The following LMTK3 variants were observed in gnomAD, a reference collection of about 807,000 sequenced individuals.
The protein encoded by LMTK3 is serine/threonine-protein kinase LMTK3.
A neutral mutation model predicts 116.7 loss-of-function variants in LMTK3; 27 were observed. That is an observed-to-expected ratio of 0.23 (90% CI 0.17 to 0.32). The LOEUF is 0.32. Among genes scored for constraint, LMTK3 ranks in the 10% least tolerant of loss-of-function variants. The pLI, the probability that LMTK3 is intolerant of heterozygous loss-of-function variation, is 1.00. For missense variants in LMTK3, 1,764 were observed against 2,068.5 expected (o/e 0.85, Z 2.86); for synonymous variants, 965 against 971.0 (o/e 0.99, Z 0.11).
chr19:48,498,130 C>G lies in LMTK3; in HGVS notation c.2939G>C (p.Arg980Thr), dbSNP rs1285404089. ...EEKALENGEL[R>T]SPEAGEKVLV... ...CACCTTCTCCCCGGCCTCTGGGGAC[C>G]TCAGCTCCCCATTCTCCAGCGCTTT... is the stretch of plus-strand genomic sequence containing the variant. Residue 980 changes from arginine to threonine, a missense_variant, in exon 11 of 15, where the codon AGG becomes ACG. Coordinates refer to ENST00000600059, the MANE Select transcript of LMTK3 (RefSeq NM_001388485.1). 4 of 1,613,650 alleles carry G rather than the reference C, an allele frequency of 2.5e-6. No individual in the cohort carries two copies. Among genetic ancestry groups the G allele is most frequent in the Non-Finnish European group, 3.4e-6 (4 of 1,179,824 alleles).
At chr19:48,507,291 G>A (rs1333339466) in intron 5 of LMTK3, among the ~76,000 whole-genome samples, 1 of 152,226 alleles carries the variant, frequency 6.6e-6, no homozygotes, top group African/African-American at 2.4e-5. Flanking sequence ...TGGAACAGAG[G>A]TGAAGCGACT....
At chr19:48,507,647 G>A (rs558274389) in intron 5 of LMTK3, among the ~76,000 whole-genome samples, 3 of 152,280 alleles carry the variant, frequency 2.0e-5, no homozygotes, top group Non-Finnish European at 4.4e-5. Flanking sequence ...GTCTCGCTCT[G>A]TTGCCCAGGT....
Position 48,491,123 on chromosome 19 carries a change from C to T in LMTK3, c.4351G>A (p.Asp1451Asn). The T allele has an allele frequency of 1.6e-6, 2 of 1,231,980 alleles. No individual in the cohort carries two copies. Among genetic ancestry groups the T allele is most frequent in the Non-Finnish European group, 2.0e-6 (2 of 980,936 alleles). The allele number at this position is 1,231,980 out of a possible 1,614,324, so 76.3% of individuals were successfully genotyped here. Residue 1451 changes from aspartate (D) to asparagine (N), a missense_variant, in exon 14 of 15, where the codon GAC becomes AAC. Physicochemically the swap from Asp to Asn is conservative, Grantham distance 23. Transcript: ENST00000600059. The surrounding 1 kb of genome is among the most constrained non-coding windows in gnomAD (Gnocchi z 5.1). ...GATATGGTACCTGCGGGCCGGGCGT[C>T]GGGGGCCCGGGCGGGTGGCCCCGGG... ...ETPGPPARAPDARPAGPVEN is the reference protein window; with the variant it reads ...ETPGPPARAPNARPAGPVEN
chr19:48,501,252 TG>T, intron 9 of LMTK3, 30 bp downstream of exon 9: 1 of 1,611,128 alleles, frequency 6.2e-7, no homozygotes, highest in Non-Finnish European at 8.5e-7. Flanking sequence ...CTTCCTGGCC[TG>T]CCTCGGCCCC....
chr19:48,510,961 C>T (rs2147563029), intron 1 of LMTK3, among the ~76,000 whole-genome samples: 1 of 152,342 alleles, frequency 6.6e-6, no homozygotes, highest in East Asian at 1.9e-4. Flanking sequence ...CATTACCCCT[C>T]GTTGGGGAGG....
At chr19:48,513,205 T>C (rs757955116), upstream of LMTK3, 5 of 1,563,660 alleles carry the variant, frequency 3.2e-6, no homozygotes, top group South Asian at 4.6e-5. The surrounding 1 kb of genome is among the most constrained non-coding windows in gnomAD (Gnocchi z 5.6). Flanking sequence ...AGATACATGA[T>C]CATAGTTTAT....
chr19:48,499,749 A>C lies in LMTK3; in HGVS notation c.1320T>G (p.Ser440Arg). The C allele has an allele frequency of 6.9e-7, 1 of 1,443,740 alleles. No individual in the cohort carries two copies. Among genetic ancestry groups the C allele is most frequent in the Non-Finnish European group, 9.2e-7 (1 of 1,087,222 alleles). 89.4% of individuals were successfully genotyped at this position (1,443,740 alleles called of 1,614,324 possible). A position where few individuals can be genotyped will look rare whatever the true frequency, so the allele number is the denominator to read the frequency against. ...AGGAGAGGGTCCCCGGGCGGGGCGC[A>C]CTGTGTGCAGGGGGCCAGGGCCAGG... ...PFPWPWPPAH[S>R]APRPGTLSSP... The change falls in exon 11 of 15, where the codon AGT becomes AGG. Residue 440 changes from serine to arginine, a missense_variant. This residue lies in a region of LMTK3 where 63 missense variants were observed against 65.0 expected (regional missense o/e 0.97). Coordinates refer to ENST00000600059, the MANE Select transcript of LMTK3 (RefSeq NM_001388485.1).
Position 48,509,428 on chromosome 19 carries a change from C to A in LMTK3, c.438+9G>T. 6.4e-7 allele frequency: 1 copy of A among 1,552,156 alleles called. No homozygotes were observed. Among genetic ancestry groups the A allele is most frequent in the Non-Finnish European group, 8.7e-7 (1 of 1,147,292 alleles). On this transcript the variant is annotated intron_variant, in intron 4 of 14. Transcript: ENST00000600059. Reference sequence around the variant, plus strand: ...ATGGAGCCCTGCCTCCCCTCCCCAGCCCACTCACCTTCCCAAACCAGCCAC... The same window carrying A: ...ATGGAGCCCTGCCTCCCCTCCCCAGACCACTCACCTTCCCAAACCAGCCAC...
rs1247384535 is a variant in LMTK3 at position 48,493,931 on chromosome 19, CTCG to C, written c.3852_3854del (p.Asp1284del). On this transcript the variant is annotated inframe_deletion, in exon 12 of 15. Transcript: ENST00000600059. ...GCGCCGCCGCCTCCTCGTCCTCCTC[CTCG>C]TCCTCGTCCTCGTCCTCCCCGTCCT... is the stretch of plus-strand genomic sequence containing the variant. 1 of 1,030,528 alleles carries C rather than the reference CTCG, an allele frequency of 9.7e-7. No homozygotes were observed. The allele number at this position is 1,030,528 out of a possible 1,614,324, so 63.8% of individuals were successfully genotyped here. A position where few individuals can be genotyped will look rare whatever the true frequency, so the allele number is the denominator to read the frequency against.
At chr19:48,502,707 T>A in intron 6 of LMTK3, 126 bp from the exon 7 acceptor site, 31 of 1,164,004 alleles carry the variant, frequency 2.7e-5, no homozygotes, top group Non-Finnish European at 3.3e-5. Flanking sequence ...CTCTGCTGCT[T>A]GCAGCAGGTA....
At position 48,500,998 on chromosome 19, in the gene LMTK3, G is replaced by A. The variant is rs749592263; in HGVS notation, c.1149C>T (p.Tyr383=). The A allele has an allele frequency of 1.7e-5, 25 of 1,511,584 alleles. No homozygotes were observed. The highest frequency in any genetic ancestry group is 2.0e-5 in the Non-Finnish European group (23 of 1,133,528). 93.6% of individuals were successfully genotyped at this position (1,511,584 alleles called of 1,614,324 possible). A position where few individuals can be genotyped will look rare whatever the true frequency, so the allele number is the denominator to read the frequency against. Reference sequence around the variant, plus strand: ...GCCCCGGGTGGGCTAGCCCTCACCAGTAGTCCGCGTAAGGCAGCTTGAGCC... The same window carrying A: ...GCCCCGGGTGGGCTAGCCCTCACCAATAGTCCGCGTAAGGCAGCTTGAGCC... ...RPRLKLPYAD[Y]WYDILQSCWR... is the part of the protein sequence containing the mutation. Residue 383 remains tyrosine, a splice_region_variant and synonymous_variant, in exon 10 of 15, where the codon TAC becomes TAT. Coordinates refer to ENST00000600059, the MANE Select transcript of LMTK3 (RefSeq NM_001388485.1). The surrounding 1 kb of genome is among the most constrained non-coding windows in gnomAD (Gnocchi z 4.0).
At position 48,510,507 on chromosome 19, in the gene LMTK3, G is replaced by A; in HGVS notation, c.162C>T (p.Phe54=). 5.6e-6 allele frequency: 9 copies of A among 1,598,796 alleles called. No individual in the cohort carries two copies. Among genetic ancestry groups the A allele is most frequent in the Non-Finnish European group, 7.7e-6 (9 of 1,172,864 alleles). The change falls in exon 2 of 15, where the codon TTC becomes TTT. Residue 54 remains phenylalanine, a synonymous_variant. Transcript: ENST00000600059. The part of the protein sequence containing the change: ...ISCSGLLAFI[F]LLLTCLCCKR... ...TGCAGCACAGACAGGTGAGGAGGAG[G>A]AAGATGAAGGCCAGCAGGCCGGAGC...
intron 5 of LMTK3, 64 bp from the exon 6 acceptor site, chr19:48,503,060 C>A: frequency 1.1e-6 from 1 of 947,936 alleles, no homozygotes. Flanking sequence ...TGCCCCAACC[C>A]CCAGCAGAAC....
intron 12 of LMTK3, among the ~76,000 whole-genome samples, chr19:48,492,730 C>T (rs1421515295): frequency 6.6e-6 from 1 of 152,106 alleles, no homozygotes; most frequent in African/African-American, 2.4e-5. Context: ...CTTCACCATC[C>T]AGGCCTCTTC....
chr19:48,501,165 G>C lies in LMTK3; in HGVS notation c.1002-20C>G. The C allele has an allele frequency of 2.5e-6, 4 of 1,609,702 alleles. No homozygotes were observed. In the South Asian group the frequency reaches 4.4e-5, roughly 18 times the overall value. The stretch of plus-strand genomic sequence containing the variant: ...AGGGACCTGCAGAGAGCAGAGAGAG[G>C]TCAGAGCCCAGCCCTGACCCACCCG... On this transcript the variant is annotated intron_variant, in intron 9 of 14. Coordinates refer to ENST00000600059, the MANE Select transcript of LMTK3 (RefSeq NM_001388485.1).
rs1274933725 is a variant in LMTK3, at chr19:48,499,761, G to T, written c.1308C>A (p.Pro436=). The change falls in exon 11 of 15, where the codon CCC becomes CCA. Residue 436 remains proline (P), a synonymous_variant. Transcript: ENST00000600059. ...PRDGPFPWPW[P]PAHSAPRPGT... ...CCGGGCGGGGCGCACTGTGTGCAGGGGGCCAGGGCCAGGGGAAGGGACCGT... is the reference window on the plus strand; with the variant it reads ...CCGGGCGGGGCGCACTGTGTGCAGGTGGCCAGGGCCAGGGGAAGGGACCGT... The T allele has an allele frequency of 6.5e-7, 1 of 1,535,840 alleles. No individual in the cohort carries two copies. Among genetic ancestry groups the T allele is most frequent in the Non-Finnish European group, 8.8e-7 (1 of 1,139,906 alleles).
At position 48,498,664 on chromosome 19, in the gene LMTK3, GA is replaced by G. The variant is rs1488837481; in HGVS notation, c.2404del (p.Ser802ProfsTer56). The G allele has an allele frequency of 6.5e-7, 1 of 1,541,102 alleles. No individual in the cohort carries two copies. The highest frequency in any genetic ancestry group is 8.7e-7 in the Non-Finnish European group (1 of 1,145,348). ...DSGYETETPFSPEGAFPGGGA... is the reference protein window; with the variant it reads ...DSGYETETPFXPEGAFPGGGA... ...CCCACCTGGGAAGGCTCCCTCTGGG[GA>G]AAAAGGGGTCTCGGTCTCGTAGCCG... On this transcript the variant is annotated frameshift_variant, in exon 11 of 15. Transcript: ENST00000600059. LOFTEE classifies it high-confidence loss of function.
At chr19:48,508,541 C>T (rs116057987) in intron 5 of LMTK3, among the ~76,000 whole-genome samples, 122 of 152,214 alleles carry the variant, frequency 8.0e-4, no homozygotes, top group African/African-American at 2.7e-3. Flanking sequence ...CACATCCTCT[C>T]AGCTGCCCTC....
chr19:48,488,623 A>G (rs1166956477), intron 14 of LMTK3, among the ~76,000 whole-genome samples: 1 of 152,020 alleles, frequency 6.6e-6, no homozygotes, highest in Non-Finnish European at 1.5e-5. Flanking sequence ...GAGCGGGCCA[A>G]GCTCTCTCCT....
Sources: gnomAD v4.1 joint callset for allele counts (sites outside exome capture counted in the v4.1 genomes callset) on GRCh38, gnomAD v4.1.1 for gene constraint, gnomAD v4.1.1 regional missense constraint, Gnocchi (gnomAD v3.1) non-coding constraint, MANE v1.5 for transcripts, NCBI Gene and HGNC (gene_info 2026-07-23, HGNC 2026-07-21) for gene names.